Variants in C12orf42 observed in about 807,000 individuals in gnomAD.
C12orf42 encodes the protein uncharacterized protein C12orf42.
In C12orf42, 25 loss-of-function variants were observed where a neutral mutation model predicts 21.6. That is an observed-to-expected ratio of 1.16 (90% CI 0.84 to 1.62). The LOEUF is 1.62. C12orf42 is among the 40% of genes most tolerant of loss of function. The pLI, the probability that C12orf42 is intolerant of heterozygous loss-of-function variation, is 0.00. For missense variants in C12orf42, 483 were observed against 459.3 expected, an observed-to-expected ratio of 1.05 and a Z score of -0.47; for synonymous variants, 174 against 175.0, an observed-to-expected ratio of 0.99 and a Z score of 0.05.
chr12:103,322,121 GCGCGCACACA>G (rs1297604229), intron 4 of C12orf42, among the ~76,000 whole-genome samples: 34 of 97,740 alleles, frequency 3.5e-4, no homozygotes, highest in East Asian at 9.5e-4. Context: ...GTGCGCGCGC[GCGCGCACACA>G]CACACACACA....
the C12orf42 span, among the ~76,000 whole-genome samples, chr12:103,063,731 T>G: frequency 6.6e-6 from 1 of 152,118 alleles, no homozygotes; most frequent in Non-Finnish European, 1.5e-5. Flanking sequence ...AGCAGGCCCC[T>G]AGTGGTGAGG....
chr12:103,434,866 C>A (rs1950557837), intron 2 of C12orf42, among the ~76,000 whole-genome samples: 1 of 152,238 alleles, frequency 6.6e-6, no homozygotes, highest in Non-Finnish European at 1.5e-5. Context: ...GTAAACAAAG[C>A]AGCCGGGAAG....
At chr12:103,167,950 TAGAA>T in the C12orf42 span, 6 of 421,452 alleles carry the variant, frequency 1.4e-5, no homozygotes, top group South Asian at 7.1e-5. Flanking sequence ...TGCAAATGGT[TAGAA>T]AGAACAGTCT....
At chr12:103,079,364 G>T in the C12orf42 span, among the ~76,000 whole-genome samples, 1 of 152,140 alleles carries the variant, frequency 6.6e-6, no homozygotes, top group African/African-American at 2.4e-5. Flanking sequence ...ATAGTAACTA[G>T]ACAGAAATAG....
At chr12:103,348,502 A>C (rs1015828373) in intron 4 of C12orf42, among the ~76,000 whole-genome samples, 1 of 152,196 alleles carries the variant, frequency 6.6e-6, no homozygotes, top group Non-Finnish European at 1.5e-5. Context: ...TCTTCTAAAA[A>C]ACACCAAGGA....
At chr12:103,460,221 T>G (rs1218660385) in intron 2 of C12orf42, among the ~76,000 whole-genome samples, 5 of 151,316 alleles carry the variant, frequency 3.3e-5, no homozygotes, top group Non-Finnish European at 7.4e-5. Context: ...CTTTGTTTGG[T>G]CAACCCCTAG....
intron 3 of C12orf42, among the ~76,000 whole-genome samples, chr12:103,380,095 G>A (rs1249960622): frequency 6.6e-6 from 1 of 152,102 alleles, no homozygotes; most frequent in Non-Finnish European, 1.5e-5. Flanking sequence ...AAGAATTACT[G>A]TATTTATTAT....
At chr12:103,285,749 AAC>A (rs2036407527) in intron 4 of C12orf42, among the ~76,000 whole-genome samples, 1 of 152,246 alleles carries the variant, frequency 6.6e-6, no homozygotes, top group Admixed American at 6.5e-5. Flanking sequence ...TGTATATGGT[AAC>A]ACACATCTTC....
chr12:103,121,568 A>G, the C12orf42 span, among the ~76,000 whole-genome samples: 4 of 152,240 alleles, frequency 2.6e-5, no homozygotes, highest in Non-Finnish European at 2.9e-5. Context: ...AGAGAGCTTC[A>G]TTACCTGACT....
chr12:103,143,182 A>G, the C12orf42 span, among the ~76,000 whole-genome samples: 3 of 152,238 alleles, frequency 2.0e-5, no homozygotes, highest in South Asian at 6.2e-4. Flanking sequence ...AGTGCAGAAT[A>G]GTAGACACTG....
At chr12:103,162,219 G>A in the C12orf42 span, among the ~76,000 whole-genome samples, 1 of 152,194 alleles carries the variant, frequency 6.6e-6, no homozygotes, top group Non-Finnish European at 1.5e-5. Flanking sequence ...TAAAGAGGCA[G>A]CACTTTTTGG....
In C12orf42 at chr12:103,302,104, G is replaced by T. The variant is rs757516343; in HGVS notation, c.*4C>A. 1 of 1,607,806 alleles carries T rather than the reference G, an allele frequency of 6.2e-7. No homozygotes were observed. Among genetic ancestry groups the T allele is most frequent in the Non-Finnish European group, 8.5e-7 (1 of 1,177,108 alleles). ...GCACTCGCCGAACAATTCCCTCGCA[G>T]CGGTCAATGTAAGTGAGCATTCACC... is the stretch of plus-strand genomic sequence containing the variant. On this transcript the variant is annotated 3_prime_UTR_variant, in exon 6 of 6. Coordinates refer to ENST00000548883, the MANE Select transcript of C12orf42 (RefSeq NM_198521.5).
chr12:103,264,895 C>T (rs982205472), downstream of C12orf42, among the ~76,000 whole-genome samples: 3 of 152,056 alleles, frequency 2.0e-5, no homozygotes, highest in African/African-American at 7.2e-5. Context: ...AGAATGGCCC[C>T]AAGCAACATT....
chr12:103,347,298 T>G (rs891399994), intron 4 of C12orf42, among the ~76,000 whole-genome samples: 2 of 148,070 alleles, frequency 1.4e-5, no homozygotes, highest in Non-Finnish European at 3.0e-5. Flanking sequence ...AGTGAGAACA[T>G]GCGGTGTTTG....
the C12orf42 span, among the ~76,000 whole-genome samples, chr12:103,146,017 C>T: frequency 6.6e-6 from 1 of 151,744 alleles, no homozygotes. Flanking sequence ...GGTTATACAT[C>T]AAAATGCTAA....
At chr12:103,083,527 A>G in the C12orf42 span, among the ~76,000 whole-genome samples, 2 of 152,250 alleles carry the variant, frequency 1.3e-5, no homozygotes, top group Non-Finnish European at 2.9e-5. Flanking sequence ...CTAGAAGTAT[A>G]GTGAAAACAC....
the C12orf42 span, among the ~76,000 whole-genome samples, chr12:103,185,732 T>C: frequency 6.6e-6 from 1 of 152,142 alleles, no homozygotes; most frequent in African/African-American, 2.4e-5. Context: ...TGAGATCTGA[T>C]GGTTTCGTCA....
At chr12:103,497,391 C>T (rs888784164), upstream of C12orf42, among the ~76,000 whole-genome samples, 5 of 152,312 alleles carry the variant, frequency 3.3e-5, no homozygotes, top group Non-Finnish European at 7.4e-5. Context: ...ATCATTCCAA[C>T]TTAGAGAAGG....
chr12:103,425,806 G>A (rs895920833), intron 2 of C12orf42, among the ~76,000 whole-genome samples: 1 of 152,122 alleles, frequency 6.6e-6, no homozygotes, highest in African/African-American at 2.4e-5. Flanking sequence ...CTACCCTGAG[G>A]TGAGGAATCT....
Sources: allele counts gnomAD v4.1 joint callset (sites outside exome capture counted in the v4.1 genomes callset), GRCh38; gene constraint gnomAD v4.1.1; transcripts MANE v1.5; gene names NCBI Gene and HGNC (gene_info 2026-07-23, HGNC 2026-07-21).